PAPPA2: variants seen among roughly 807,000 people sequenced by gnomAD.
The protein encoded by PAPPA2 is pappalysin-2.
PAPPA2 carries 86 observed loss-of-function variants against 176.4 expected under a neutral mutation model. The ratio of observed to expected loss-of-function variants is 0.49; its 90% CI spans 0.41 to 0.58. The LOEUF is 0.58. Ranked by LOEUF, PAPPA2 falls within the 20% of genes least tolerant of loss-of-function variation. The pLI is 0.00. For synonymous variants in PAPPA2, 809 were observed against 852.2 expected, an observed-to-expected ratio of 0.95 and a Z score of 0.88; for missense variants, 2,073 against 2,256.9, an observed-to-expected ratio of 0.92 and a Z score of 1.65.
chr1:176,795,214 T>C (rs1665373691), intron 20 of PAPPA2, among the ~76,000 whole-genome samples: 1 of 152,194 alleles, frequency 6.6e-6, no homozygotes, highest in African/African-American at 2.4e-5. Flanking sequence ...TTATTCTTTT[T>C]CTTCTTTTCT....
chr1:176,663,908 T>A (rs2102762568), intron 3 of PAPPA2, among the ~76,000 whole-genome samples: 1 of 152,290 alleles, frequency 6.6e-6, no homozygotes, highest in East Asian at 1.9e-4. Context: ...GTTATCTATT[T>A]TTATCCTAAT....
chr1:176,513,244 T>C (rs1648724832), intron 1 of PAPPA2, among the ~76,000 whole-genome samples: 1 of 152,164 alleles, frequency 6.6e-6, no homozygotes, highest in African/African-American at 2.4e-5. Flanking sequence ...CCCTAACTAA[T>C]ACAGATGTTC....
intron 1 of PAPPA2, among the ~76,000 whole-genome samples, chr1:176,490,051 G>T (rs1359878157): frequency 6.6e-6 from 1 of 152,090 alleles, no homozygotes. Flanking sequence ...GTCATTATTA[G>T]AACAGATTAG....
At chr1:176,682,079 A>C (rs1659612640) in intron 4 of PAPPA2, among the ~76,000 whole-genome samples, 1 of 152,228 alleles carries the variant, frequency 6.6e-6, no homozygotes, top group Non-Finnish European at 1.5e-5. Context: ...TCTTTCAACC[A>C]AACAGTTAGA....
chr1:176,677,938 A>G (rs1220163728), intron 4 of PAPPA2, among the ~76,000 whole-genome samples: 1 of 152,238 alleles, frequency 6.6e-6, no homozygotes, highest in East Asian at 1.9e-4. Flanking sequence ...GATTTGTAAT[A>G]CTATGTGATG....
rs530789233 is a variant in PAPPA2, at chr1:176,717,599, AC to A, written c.3798+5620del. Reference sequence around the variant, plus strand: ...AGCTGCTGTCTAACACCACTGGCTCACCTTCAAGTTCTTTCCTGGGCAAAGC... The same window carrying A: ...AGCTGCTGTCTAACACCACTGGCTCACTTCAAGTTCTTTCCTGGGCAAAGC... On this transcript the variant is annotated intron_variant, in intron 12 of 22. Coordinates refer to ENST00000367662, the MANE Select transcript of PAPPA2 (RefSeq NM_020318.3). 1.6e-3 allele frequency among the ~76,000 whole-genome samples: 240 copies of A among 152,284 alleles called. 1 individual carries two copies. Among genetic ancestry groups the A allele is most frequent in the African/African-American group, 5.6e-3 (232 of 41,558 alleles).
At chr1:176,791,173 ATTTTTTTTTTT>A (rs57185368) in intron 18 of PAPPA2, among the ~76,000 whole-genome samples, 163 bp from the exon 19 acceptor site, 19 of 80,878 alleles carry the variant, frequency 2.3e-4, no homozygotes, top group African/African-American at 6.0e-4. Context: ...AAAGCAAAGA[ATTTTTTTTTTT>A]TTTTTTTTTT....
At chr1:176,490,929 C>T (rs189762132) in intron 1 of PAPPA2, among the ~76,000 whole-genome samples, 3 of 152,324 alleles carry the variant, frequency 2.0e-5, no homozygotes, top group Non-Finnish European at 4.4e-5. Context: ...ACTAACTTAC[C>T]TACCACAAGA....
chr1:176,535,381 A>G (rs1458034922), intron 1 of PAPPA2, among the ~76,000 whole-genome samples: 2 of 152,184 alleles, frequency 1.3e-5, no homozygotes, highest in Non-Finnish European at 2.9e-5. Context: ...TCATTTTTGT[A>G]AGAGCGGAAT....
intron 4 of PAPPA2, among the ~76,000 whole-genome samples, chr1:176,671,423 A>G (rs1161457690): frequency 2.0e-5 from 3 of 152,218 alleles, no homozygotes; most frequent in Non-Finnish European, 4.4e-5. Context: ...CCAAGTGGGG[A>G]ACTATCAAAA....
intron 21 of PAPPA2, among the ~76,000 whole-genome samples, chr1:176,827,866 TA>T (rs754664530): frequency 2.0e-5 from 3 of 152,198 alleles, no homozygotes; most frequent in Non-Finnish European, 2.9e-5. Flanking sequence ...TGGCAAAATG[TA>T]AAGGATTTTT....
intron 1 of PAPPA2, among the ~76,000 whole-genome samples, chr1:176,493,386 C>T (rs1488199033): frequency 6.6e-6 from 1 of 152,146 alleles, no homozygotes; most frequent in African/African-American, 2.4e-5. Context: ...TGTACAGCAA[C>T]CTCCACTCAT....
chr1:176,541,639 A>G (rs1011110957), intron 1 of PAPPA2, among the ~76,000 whole-genome samples: 4 of 152,222 alleles, frequency 2.6e-5, no homozygotes, highest in African/African-American at 9.6e-5. Context: ...TGAAAAATGC[A>G]TTTATAATGA....
intron 3 of PAPPA2, among the ~76,000 whole-genome samples, chr1:176,623,576 C>CT (rs1226146337): frequency 3.5e-5 from 3 of 84,958 alleles, no homozygotes; most frequent in African/African-American, 1.3e-4. Context: ...CCTTCCTTCC[C>CT]TCCTTCCTTC....
chr1:176,710,966 T>C (rs1360576951), intron 11 of PAPPA2, among the ~76,000 whole-genome samples: 1 of 152,096 alleles, frequency 6.6e-6, no homozygotes, highest in Non-Finnish European at 1.5e-5. Flanking sequence ...CTCCTAGGCG[T>C]GAAGTCAGCA....
intron 3 of PAPPA2, among the ~76,000 whole-genome samples, chr1:176,615,467 T>A (rs559480054): frequency 5.9e-5 from 9 of 152,110 alleles, no homozygotes; most frequent in Non-Finnish European, 1.3e-4. Context: ...CCTGCCACCA[T>A]GCCCGGCTAA....
chr1:176,739,812 C>T (rs1662591663), intron 13 of PAPPA2, 51 bp downstream of exon 13: 1 of 1,599,748 alleles, frequency 6.3e-7, no homozygotes, highest in Non-Finnish European at 8.5e-7. Flanking sequence ...ACCCGGTAGA[C>T]CCAGAAGTCA....
At chr1:176,471,853 T>C (rs554468116) in intron 1 of PAPPA2, among the ~76,000 whole-genome samples, 2 of 152,348 alleles carry the variant, frequency 1.3e-5, no homozygotes, top group Non-Finnish European at 2.9e-5. Flanking sequence ...ATGTTGCTGA[T>C]TGGACACTCC....
intron 21 of PAPPA2, among the ~76,000 whole-genome samples, chr1:176,827,554 C>T (rs1192363576): frequency 6.6e-6 from 1 of 152,162 alleles, no homozygotes; most frequent in African/African-American, 2.4e-5. Context: ...CAGGCAGGTC[C>T]TCTTTCTGCA....
Sources: allele counts gnomAD v4.1 joint callset (sites outside exome capture counted in the v4.1 genomes callset), GRCh38; gene constraint gnomAD v4.1.1; transcripts MANE v1.5; gene names NCBI Gene and HGNC (gene_info 2026-07-23, HGNC 2026-07-21).